The following PTPN21 variants were observed in gnomAD, a reference collection of about 807,000 sequenced individuals.
PTPN21 encodes tyrosine-protein phosphatase non-receptor type 21.
In PTPN21, 77 loss-of-function variants were observed where a neutral mutation model predicts 131.8. The ratio of observed to expected loss-of-function variants is 0.58; its 90% CI spans 0.49 to 0.71. The LOEUF (loss-of-function observed/expected upper bound fraction) is 0.71, where lower values mean the gene tolerates loss of function less well. PTPN21 is among the 30% of genes least tolerant of loss of function. The pLI is 0.00. For synonymous variants in PTPN21, 715 were observed against 621.3 expected (o/e 1.15, Z -2.24); for missense variants, 1,552 against 1,527.1 (o/e 1.02, Z -0.27).
At chr14:88,519,063 A>T (rs775578590) in intron 2 of PTPN21, among the ~76,000 whole-genome samples, 30 of 152,152 alleles carry the variant, frequency 2.0e-4, no homozygotes, top group Non-Finnish European at 4.0e-4. Flanking sequence ...TTAGTGTATT[A>T]CTCAGAAGTT....
intron 15 of PTPN21, among the ~76,000 whole-genome samples, chr14:88,471,588 A>G (rs1315966293): frequency 2.5e-5 from 1 of 40,364 alleles, no homozygotes; most frequent in Admixed American, 4.2e-4. Flanking sequence ...GGAAAAAAGC[A>G]CTTCTTCAAA....
intron 15 of PTPN21, chr14:88,470,441 TA>T (rs954561284): frequency 1.1e-5 from 2 of 176,832 alleles, no homozygotes; most frequent in African/African-American, 2.4e-5. Context: ...GCCTCTTCTT[TA>T]AAAAAAACCT....
At chr14:88,521,019 T>TA (rs926685602) in intron 2 of PTPN21, among the ~76,000 whole-genome samples, 3 of 149,484 alleles carry the variant, frequency 2.0e-5, no homozygotes, top group South Asian at 4.5e-4. Flanking sequence ...TATATATATA[T>TA]TTTTTTTGGT....
At chr14:88,522,033 T>C (rs2078401945) in intron 2 of PTPN21, among the ~76,000 whole-genome samples, 1 of 152,204 alleles carries the variant, frequency 6.6e-6, no homozygotes, top group East Asian at 1.9e-4. Context: ...ACTGAACAAA[T>C]ACATTTGTTG....
At chr14:88,506,138 G>A (rs2078083784) in intron 4 of PTPN21, among the ~76,000 whole-genome samples, 1 of 152,064 alleles carries the variant, frequency 6.6e-6, no homozygotes, top group Non-Finnish European at 1.5e-5. Context: ...CAAAGAGTCT[G>A]AGACCAGCCT....
intron 2 of PTPN21, among the ~76,000 whole-genome samples, chr14:88,537,604 A>T (rs1432654344): frequency 6.6e-6 from 1 of 152,190 alleles, no homozygotes; most frequent in Non-Finnish European, 1.5e-5. Context: ...CAAGCAAAAT[A>T]TATATTATGC....
chr14:88,487,628 A>C (rs769561733), intron 10 of PTPN21, among the ~76,000 whole-genome samples: 4 of 152,268 alleles, frequency 2.6e-5, no homozygotes, highest in Non-Finnish European at 5.9e-5. Flanking sequence ...TTTCTTTGTT[A>C]CTGGAAAGTA....
intron 2 of PTPN21, among the ~76,000 whole-genome samples, chr14:88,543,621 T>A (rs2078735704): frequency 6.6e-6 from 1 of 152,162 alleles, no homozygotes; most frequent in Non-Finnish European, 1.5e-5. Flanking sequence ...AATGCTCCAG[T>A]CAACAAGAGT....
chr14:88,535,135 T>TTATA (rs1051409648), intron 2 of PTPN21, among the ~76,000 whole-genome samples: 1 of 152,038 alleles, frequency 6.6e-6, no homozygotes, highest in African/African-American at 2.4e-5. Context: ...CTCACCATTG[T>TTATA]TATATATATA....
chr14:88,497,463 G>T (rs1244251616), intron 8 of PTPN21, among the ~76,000 whole-genome samples, 173 bp from the exon 9 acceptor site: 1 of 152,110 alleles, frequency 6.6e-6, no homozygotes, highest in Non-Finnish European at 1.5e-5. Flanking sequence ...GTGAAACCCT[G>T]TCTCTATTAA....
At chr14:88,491,721 A>G (rs2077826833) in intron 10 of PTPN21, among the ~76,000 whole-genome samples, 1 of 152,268 alleles carries the variant, frequency 6.6e-6, no homozygotes, top group Non-Finnish European at 1.5e-5. Context: ...AGAATGAATC[A>G]TAAGTAATTA....
At position 88,479,915 on chromosome 14, in the gene PTPN21, C is replaced by T. The variant is rs143372025; in HGVS notation, c.1516G>A (p.Ala506Thr). Residue 506 changes from alanine to threonine, a missense_variant, in exon 13 of 19, where the codon GCG (alanine) becomes ACG (threonine). By Grantham distance (58) the Ala-to-Thr change is moderately conservative. This residue lies in a region of PTPN21 where 1,016 missense variants were observed against 883.5 expected (regional missense o/e 1.15). Transcript: ENST00000556564. ...IREHAQLPSP[A>T]AAHCPFSLSY... ...AGGCTGAACGGGCAGTGTGCGGCCG[C>T]TGGCGAGGGGAGCTGTGCGTGCTCG... The T allele has an allele frequency of 3.1e-6, 5 of 1,601,412 alleles. No homozygotes were observed. The African/African-American group carries it at 6.7e-5, about 21-fold the overall frequency.
chr14:88,469,846 G>A lies in PTPN21; in HGVS notation c.3000+76C>T. 6.2e-7 allele frequency: 1 copy of A among 1,607,284 alleles called. No individual in the cohort carries two copies. The highest frequency in any genetic ancestry group is 1.1e-5 in the South Asian group (1 of 90,890). ...ACCCTACCCTGCCTTTTTCTCCACA[G>A]GTCAGGATTCCAGATGATTAACATT... On this transcript the variant is annotated intron_variant, in intron 16 of 18. Transcript: ENST00000556564. This position sits in a 1 kb window ranked among gnomAD's most constrained non-coding sequence, Gnocchi z 4.3.
At chr14:88,471,823 C>T (rs1004666167) in intron 15 of PTPN21, among the ~76,000 whole-genome samples, 5 of 151,678 alleles carry the variant, frequency 3.3e-5, no homozygotes, top group Non-Finnish European at 7.4e-5. Context: ...GTTCTAAAGC[C>T]AGGCAACACA....
Position 88,478,923 on chromosome 14 carries a change from T to A in PTPN21, c.2508A>T (p.Leu836=). 6.7e-7 allele frequency: 1 copy of A among 1,484,802 alleles called. No homozygotes were observed. The highest frequency in any genetic ancestry group is 8.9e-7 in the Non-Finnish European group (1 of 1,119,056). 92.0% of individuals were successfully genotyped at this position (1,484,802 alleles called of 1,614,324 possible). Residue 836 remains leucine (L), a synonymous_variant, in exon 13 of 19, where the codon CTA becomes CTT. Transcript: ENST00000556564. ...KKNIVEGLPP[L]GGMKKTRVDA... ...CACTGCTCGCCGCGTGGCTTACCCC[T>A]AGAGGCGGGAGCCCTTCCACGATGT... is the stretch of plus-strand genomic sequence containing the variant.
At chr14:88,546,734 G>C (rs974932724) in intron 2 of PTPN21, among the ~76,000 whole-genome samples, 8 of 152,148 alleles carry the variant, frequency 5.3e-5, no homozygotes, top group Non-Finnish European at 2.9e-5. Flanking sequence ...AACAGTGCAA[G>C]AAACCAACAT....
chr14:88,538,247 G>C (rs918938259), intron 2 of PTPN21, among the ~76,000 whole-genome samples: 1 of 152,146 alleles, frequency 6.6e-6, no homozygotes, highest in Non-Finnish European at 1.5e-5. Flanking sequence ...GCACTTCAAC[G>C]GACTCACTGC....
At chr14:88,539,687 A>G (rs533544869) in intron 2 of PTPN21, among the ~76,000 whole-genome samples, 1 of 152,338 alleles carries the variant, frequency 6.6e-6, no homozygotes, top group South Asian at 2.1e-4. Flanking sequence ...GAAGACCTGA[A>G]TTCTAGCAGG....
chr14:88,477,761 A>T (rs2077569619), intron 13 of PTPN21, among the ~76,000 whole-genome samples: 1 of 152,136 alleles, frequency 6.6e-6, no homozygotes, highest in African/African-American at 2.4e-5. Flanking sequence ...AGTGCAGGGC[A>T]TGAGGAGTGG....
Sources: gnomAD v4.1 joint callset for allele counts (sites outside exome capture counted in the v4.1 genomes callset) on GRCh38, gnomAD v4.1.1 for gene constraint, gnomAD v4.1.1 regional missense constraint, Gnocchi (gnomAD v3.1) non-coding constraint, MANE v1.5 for transcripts, NCBI Gene and HGNC (gene_info 2026-07-23, HGNC 2026-07-21) for gene names.